The following CLOCK variants were observed in gnomAD, a reference collection of about 807,000 sequenced individuals.
CLOCK encodes the protein circadian locomoter output cycles protein kaput.
In CLOCK, 43 loss-of-function variants were observed where a neutral mutation model predicts 118.4. The observed-to-expected ratio is 0.36, with a 90% confidence interval of 0.28 to 0.47. The LOEUF is 0.47. Ranked by LOEUF, CLOCK falls within the 20% of genes least tolerant of loss-of-function variation. The probability of loss-of-function intolerance (pLI) is 1.00; values close to 1 mark genes in which losing one functional copy is unlikely to be tolerated. For synonymous variants in CLOCK, 326 were observed against 339.2 expected, an observed-to-expected ratio of 0.96 and a Z score of 0.43; for missense variants, 846 against 999.9, an observed-to-expected ratio of 0.85 and a Z score of 2.08.
intron 9 of CLOCK, among the ~76,000 whole-genome samples, chr4:55,461,299 TCTAC>T (rs1464284016): frequency 3.3e-5 from 5 of 151,824 alleles, no homozygotes; most frequent in South Asian, 2.1e-4. Flanking sequence ...TTCAAAATTT[TCTAC>T]CTGAGTGATT....
intron 7 of CLOCK, among the ~76,000 whole-genome samples, chr4:55,471,217 G>C (rs1726125734): frequency 6.6e-6 from 1 of 152,186 alleles, no homozygotes; most frequent in African/African-American, 2.4e-5. Flanking sequence ...TGTTAACACA[G>C]AGGTGTACAT....
chr4:55,453,295 A>G (rs949297562), intron 14 of CLOCK, 166 bp from the exon 15 acceptor site: 1 of 611,126 alleles, frequency 1.6e-6, no homozygotes, highest in Non-Finnish European at 2.9e-6. Context: ...TTTAACTTGC[A>G]TTTTTCTAGG....
At chr4:55,453,940 T>C (rs1187157931) in intron 13 of CLOCK, 116 bp from the exon 14 acceptor site, 2 of 748,258 alleles carry the variant, frequency 2.7e-6, no homozygotes, top group Non-Finnish European at 4.3e-6. Flanking sequence ...TTTCTGGCCT[T>C]TTGATAACAT....
At chr4:55,436,004 A>G (rs1722850196) in intron 22 of CLOCK, among the ~76,000 whole-genome samples, 1 of 152,214 alleles carries the variant, frequency 6.6e-6, no homozygotes, top group Admixed American at 6.5e-5. Context: ...TCAGCTGGTT[A>G]GAGCGGCACA....
At chr4:55,522,271 GA>G (rs983187986) in intron 1 of CLOCK, among the ~76,000 whole-genome samples, 1 of 151,624 alleles carries the variant, frequency 6.6e-6, no homozygotes. Flanking sequence ...AAACTTTAAA[GA>G]AAAAAAATAA....
intron 1 of CLOCK, among the ~76,000 whole-genome samples, chr4:55,531,056 T>C (rs1730509698): frequency 1.3e-5 from 2 of 151,956 alleles, no homozygotes; most frequent in Admixed American, 6.6e-5. Flanking sequence ...AAGGTATATA[T>C]TTCTCTAAAG....
At chr4:55,527,819 G>T (rs1188032589) in intron 1 of CLOCK, among the ~76,000 whole-genome samples, 1 of 151,948 alleles carries the variant, frequency 6.6e-6, no homozygotes, top group Non-Finnish European at 1.5e-5. Flanking sequence ...TAAGTGAGAG[G>T]ATCAGTTGAG....
chr4:55,531,432 C>T (rs1252413471), intron 1 of CLOCK, among the ~76,000 whole-genome samples: 2 of 152,002 alleles, frequency 1.3e-5, no homozygotes, highest in Non-Finnish European at 2.9e-5. Context: ...CCAGGCCAGG[C>T]GTGGTGGCTC....
chr4:55,468,432 T>A (rs1257652866), intron 8 of CLOCK, among the ~76,000 whole-genome samples: 1 of 152,092 alleles, frequency 6.6e-6, no homozygotes, highest in African/African-American at 2.4e-5. Flanking sequence ...TAAATACACA[T>A]TAGAAAAAAA....
intron 18 of CLOCK, among the ~76,000 whole-genome samples, 155 bp downstream of exon 18, chr4:55,448,624 G>A (rs1385406128): frequency 6.6e-6 from 1 of 151,686 alleles, no homozygotes; most frequent in African/African-American, 2.4e-5. Context: ...GTGTGTGTGT[G>A]TGTGTGTGTG....
chr4:55,443,564 ACTTT>A lies in CLOCK; in HGVS notation c.1902+119_1902+122del, dbSNP rs2109691220. On this transcript the variant is annotated intron_variant, in intron 20 of 22. Coordinates refer to ENST00000513440, the MANE Select transcript of CLOCK (RefSeq NM_004898.4). ...TTTTAATAATCACTCTCAATACTAT[ACTTT>A]CTAAATACTATTAAATTTTGAAATG... The A allele has an allele frequency of 2.6e-5, 20 of 783,014 alleles. No individual in the cohort carries two copies. The South Asian group carries it at 2.8e-4, about 11-fold the overall frequency. 48.5% of individuals were successfully genotyped at this position (783,014 alleles called of 1,614,324 possible). A position where few individuals can be genotyped will look rare whatever the true frequency, so the allele number is the denominator to read the frequency against.
intron 1 of CLOCK, among the ~76,000 whole-genome samples, chr4:55,510,290 A>T (rs1003686642): frequency 3.3e-5 from 5 of 152,204 alleles, no homozygotes; most frequent in Non-Finnish European, 1.5e-5. Context: ...GTGAAGGGAA[A>T]GCATAACAGA....
intron 1 of CLOCK, among the ~76,000 whole-genome samples, chr4:55,523,801 TA>T (rs200107039): frequency 5.3e-5 from 8 of 152,062 alleles, no homozygotes; most frequent in South Asian, 2.1e-4. Context: ...AATTTCATCA[TA>T]AAAAAAATTG....
chr4:55,518,499 G>A (rs780518850), intron 1 of CLOCK, among the ~76,000 whole-genome samples: 12 of 152,178 alleles, frequency 7.9e-5, no homozygotes, highest in Non-Finnish European at 1.3e-4. Context: ...AACTATATCA[G>A]TGCTATGGTC....
chr4:55,542,226 C>G (rs1050401540), intron 1 of CLOCK, among the ~76,000 whole-genome samples: 2 of 151,468 alleles, frequency 1.3e-5, no homozygotes, highest in African/African-American at 2.4e-5. Context: ...CCTGTAATCC[C>G]AGCTACTCTT....
At chr4:55,527,913 C>A (rs533424216) in intron 1 of CLOCK, among the ~76,000 whole-genome samples, 1 of 151,950 alleles carries the variant, frequency 6.6e-6, no homozygotes, top group African/African-American at 2.4e-5. Flanking sequence ...GGCATAGTGG[C>A]ACATGCCTAT....
At chr4:55,527,233 T>C (rs994834259) in intron 1 of CLOCK, among the ~76,000 whole-genome samples, 3 of 152,264 alleles carry the variant, frequency 2.0e-5, no homozygotes, top group East Asian at 1.9e-4. Context: ...TACTTCAAAA[T>C]AGTATTAGAA....
At chr4:55,538,040 C>A (rs560442107) in intron 1 of CLOCK, among the ~76,000 whole-genome samples, 2 of 151,972 alleles carry the variant, frequency 1.3e-5, no homozygotes, top group Admixed American at 1.3e-4. Flanking sequence ...AAACTTCTAG[C>A]CAGACTAATC....
intron 1 of CLOCK, among the ~76,000 whole-genome samples, chr4:55,536,363 A>G (rs1368351312): frequency 1.3e-5 from 2 of 152,160 alleles, no homozygotes; most frequent in East Asian, 3.9e-4. Context: ...TCATGATGAA[A>G]TGTAAATGTA....
Sources: allele counts gnomAD v4.1 joint callset (sites outside exome capture counted in the v4.1 genomes callset), GRCh38; gene constraint gnomAD v4.1.1; transcripts MANE v1.5; gene names NCBI Gene and HGNC (gene_info 2026-07-23, HGNC 2026-07-21).